The following ANKS1B variants were observed in gnomAD, a reference collection of about 807,000 sequenced individuals.
The protein encoded by ANKS1B is ankyrin repeat and sterile alpha motif domain containing 1B.
A neutral mutation model predicts 148.3 loss-of-function variants in ANKS1B; 36 were observed. That is an observed-to-expected ratio of 0.24 (90% CI 0.19 to 0.32). The LOEUF is 0.32. Ranked by LOEUF, ANKS1B falls within the 10% of genes least tolerant of loss-of-function variation. The pLI is 1.00. For synonymous variants in ANKS1B, 542 were observed against 560.8 expected, an observed-to-expected ratio of 0.97 and a Z score of 0.47; for missense variants, 1,157 against 1,542.6, an observed-to-expected ratio of 0.75 and a Z score of 4.19.
chr12:99,605,510 G>T (rs967804024), intron 9 of ANKS1B, among the ~76,000 whole-genome samples: 3 of 151,738 alleles, frequency 2.0e-5, no homozygotes. Flanking sequence ...CCAACCTCTG[G>T]TAACAACTAT....
downstream of ANKS1B, among the ~76,000 whole-genome samples, chr12:98,742,358 T>C (rs2097805368): frequency 6.6e-6 from 1 of 152,224 alleles, no homozygotes. Flanking sequence ...TTTTTTTTTT[T>C]TCCCCAAACA....
Position 99,094,589 on chromosome 12 carries a change from GGAGCAGCCTAACTGTGAGAA to G in ANKS1B, c.2527-9586_2527-9567del, listed in dbSNP as rs368417779. 2.0e-3 allele frequency among the ~76,000 whole-genome samples: 301 copies of G among 152,322 alleles called. 1 individual carries two copies. Among genetic ancestry groups the G allele is most frequent in the African/African-American group, 7.1e-3 (294 of 41,572 alleles). On this transcript the variant is annotated intron_variant, in intron 15 of 26. Coordinates refer to ENST00000683438, the MANE Select transcript of ANKS1B (RefSeq NM_001352186.2). ...TAATTAAGACCTGAGGGGATTAGAA[GGAGCAGCCTAACTGTGAGAA>G]GAGCTGTTACAAGGACATTCCAGGC...
rs542917633 is a variant in ANKS1B, at chr12:99,896,710, G to T, written c.135-71321C>A. On this transcript the variant is annotated intron_variant, in intron 1 of 26. Coordinates refer to ENST00000683438, the MANE Select transcript of ANKS1B (RefSeq NM_001352186.2). Reference sequence around the variant, plus strand: ...ATACTGAATTACATTTCAGGCCTTTGTGGTCTAGCCTAGAACTTAAATGTG... The same window carrying T: ...ATACTGAATTACATTTCAGGCCTTTTTGGTCTAGCCTAGAACTTAAATGTG... Among the ~76,000 whole-genome samples, 3 of 151,152 alleles carry T rather than the reference G, an allele frequency of 2.0e-5. No individual in the cohort carries two copies. In the East Asian group the frequency reaches 5.8e-4, roughly 29 times the overall value.
intron 14 of ANKS1B, among the ~76,000 whole-genome samples, chr12:99,238,651 C>T (rs2088557514): frequency 6.6e-6 from 1 of 152,162 alleles, no homozygotes; most frequent in Non-Finnish European, 1.5e-5. Context: ...AGACATCTCC[C>T]AGTAGGGGCC....
chr12:99,507,594 G>A (rs2096724103), intron 9 of ANKS1B, among the ~76,000 whole-genome samples: 1 of 151,636 alleles, frequency 6.6e-6, no homozygotes, highest in East Asian at 1.9e-4. Flanking sequence ...CAATAATGAA[G>A]TACTCCCTCT....
At chr12:99,348,077 G>C (rs1261436547) in intron 12 of ANKS1B, among the ~76,000 whole-genome samples, 1 of 152,010 alleles carries the variant, frequency 6.6e-6, no homozygotes, top group Non-Finnish European at 1.5e-5. Flanking sequence ...GGTTTCTACA[G>C]CACTTTTGAG....
chr12:99,240,736 A>G (rs2089132559), intron 14 of ANKS1B, among the ~76,000 whole-genome samples: 2 of 152,250 alleles, frequency 1.3e-5, no homozygotes, highest in Non-Finnish European at 2.9e-5. Flanking sequence ...ACTCAGGATT[A>G]AGAAATTCAC....
chr12:99,333,820 G>A (rs2088083633), intron 12 of ANKS1B, among the ~76,000 whole-genome samples: 1 of 146,650 alleles, frequency 6.8e-6, no homozygotes, highest in Non-Finnish European at 1.5e-5. Flanking sequence ...CTAGGTGGTA[G>A]GTAGGGAGAT....
intron 15 of ANKS1B, among the ~76,000 whole-genome samples, chr12:99,143,202 A>C (rs1481788278): frequency 6.6e-6 from 1 of 152,150 alleles, no homozygotes; most frequent in Non-Finnish European, 1.5e-5. Flanking sequence ...TTCTAAGAGA[A>C]GGTAAAAGTA....
intron 1 of ANKS1B, among the ~76,000 whole-genome samples, chr12:99,959,280 T>G (rs1204865414): frequency 7.0e-6 from 1 of 142,348 alleles, no homozygotes; most frequent in Non-Finnish European, 1.5e-5. Context: ...AGTTTCACCG[T>G]GTTAGCCAGG....
chr12:99,024,084 T>G (rs1348725111), intron 17 of ANKS1B, among the ~76,000 whole-genome samples: 1 of 151,916 alleles, frequency 6.6e-6, no homozygotes, highest in African/African-American at 2.4e-5. Context: ...TATCAGTGGG[T>G]GTACTATTTC....
chr12:99,006,274 T>C (rs2099936107), intron 17 of ANKS1B, among the ~76,000 whole-genome samples: 1 of 152,176 alleles, frequency 6.6e-6, no homozygotes, highest in Non-Finnish European at 1.5e-5. Context: ...CTCCATCACA[T>C]AGCACCATTA....
At chr12:99,431,658 A>C (rs1375514921) in intron 11 of ANKS1B, among the ~76,000 whole-genome samples, 1 of 152,230 alleles carries the variant, frequency 6.6e-6, no homozygotes, top group African/African-American at 2.4e-5. Flanking sequence ...AGTAATCCAT[A>C]GATATTAGGA....
chr12:99,609,844 G>A (rs141966267), intron 9 of ANKS1B, among the ~76,000 whole-genome samples: 116 of 152,186 alleles, frequency 7.6e-4, no homozygotes, highest in Middle Eastern at 3.4e-3. Flanking sequence ...ACCTGAATTT[G>A]GAAAGGAACA....
intron 1 of ANKS1B, among the ~76,000 whole-genome samples, chr12:99,917,262 A>G (rs959037311): frequency 1.3e-5 from 2 of 152,220 alleles, no homozygotes; most frequent in African/African-American, 2.4e-5. Context: ...CTAACAAAGC[A>G]TCTATAGTAG....
intron 11 of ANKS1B, among the ~76,000 whole-genome samples, chr12:99,400,241 C>T (rs1324496857): frequency 8.9e-6 from 1 of 112,902 alleles, no homozygotes; most frequent in Non-Finnish European, 2.0e-5. Context: ...AAGGCAGTTC[C>T]ATTTTTTTAT....
intron 1 of ANKS1B, among the ~76,000 whole-genome samples, chr12:99,944,272 T>G (rs1330554417): frequency 2.0e-5 from 3 of 152,188 alleles, no homozygotes; most frequent in Admixed American, 1.3e-4. Context: ...TTCTGCAAGT[T>G]TGCCCCTGTG....
chr12:99,631,875 G>A, intron 9 of ANKS1B, among the ~76,000 whole-genome samples: 1 of 152,184 alleles, frequency 6.6e-6, no homozygotes, highest in Non-Finnish European at 1.5e-5. Context: ...ATGAAAAAAT[G>A]TGTTCAGGAG....
intron 9 of ANKS1B, among the ~76,000 whole-genome samples, chr12:99,596,920 A>C (rs2097762881): frequency 6.6e-6 from 1 of 151,946 alleles, no homozygotes; most frequent in Non-Finnish European, 1.5e-5. Context: ...TGAGCAAAAA[A>C]TGAATTCATT....
Sources: allele counts gnomAD v4.1 joint callset (sites outside exome capture counted in the v4.1 genomes callset), GRCh38; gene constraint gnomAD v4.1.1; transcripts MANE v1.5; gene names NCBI Gene and HGNC (gene_info 2026-07-23, HGNC 2026-07-21).